CHD9: variants seen among roughly 807,000 people sequenced by gnomAD.
CHD9 encodes the protein ATP-dependent chromatin remodeler CHD9.
In CHD9, 77 loss-of-function variants were observed where a neutral mutation model predicts 316.1. The ratio of observed to expected loss-of-function variants is 0.24; its 90% CI spans 0.20 to 0.29. CHD9 has a LOEUF of 0.29. Among genes scored for constraint, CHD9 ranks in the 10% least tolerant of loss-of-function variants. The pLI is 1.00. For missense variants in CHD9, 2,763 were observed against 3,438.1 expected (o/e 0.80, Z 4.91); for synonymous variants, 1,129 against 1,158.3 (o/e 0.97, Z 0.51).
At position 53,228,363 on chromosome 16, in the gene CHD9, TTCCTGA is replaced by T. The variant is rs552373291; in HGVS notation, c.2169-617_2169-612del. Reference sequence around the variant, plus strand: ...CTCTTTAAAAAAAAAAGTTTTTTTTTTCCTGATCTTTAGGTTTTTATGTCAGACGCA... The same window carrying T: ...CTCTTTAAAAAAAAAAGTTTTTTTTTTCTTTAGGTTTTTATGTCAGACGCA... On this transcript the variant is annotated intron_variant, in intron 7 of 38. Transcript: ENST00000447540. Among the ~76,000 whole-genome samples, 315 of 152,092 alleles carry T rather than the reference TTCCTGA, an allele frequency of 2.1e-3. 1 individual carries two copies. Among genetic ancestry groups the T allele is most frequent in the African/African-American group, 7.2e-3 (298 of 41,536 alleles).
intron 34 of CHD9, among the ~76,000 whole-genome samples, chr16:53,310,420 T>TA (rs1471288244): frequency 1.3e-5 from 2 of 152,324 alleles, no homozygotes; most frequent in East Asian, 3.9e-4. Context: ...CCACTACTCT[T>TA]ACTGTTTAAA....
chr16:53,090,711 T>G (rs2035858887), intron 1 of CHD9, among the ~76,000 whole-genome samples: 1 of 152,144 alleles, frequency 6.6e-6, no homozygotes, highest in Non-Finnish European at 1.5e-5. Context: ...TAAAAATTCA[T>G]GAGAATGTGG....
chr16:53,303,692 A>T, intron 30 of CHD9, 28 bp from the exon 31 acceptor site: 2 of 1,486,008 alleles, frequency 1.3e-6, no homozygotes, highest in Non-Finnish European at 1.8e-6. Flanking sequence ...TTTGAGATTA[A>T]TATTTTTGTC....
In CHD9 at chr16:53,148,110, G is replaced by A. The variant is rs533800887; in HGVS notation, c.-164-7816G>A. 1.1e-4 allele frequency among the ~76,000 whole-genome samples: 16 copies of A among 152,228 alleles called. No individual in the cohort carries two copies. In the East Asian group the frequency reaches 3.1e-3, roughly 29 times the overall value. ...TAAGCCCAGCTACTCGGGAGGCTGA[G>A]GTAGGAGAATCGTTTGAATCCAGGA... On this transcript the variant is annotated intron_variant, in intron 1 of 38. Coordinates refer to ENST00000447540, the MANE Select transcript of CHD9 (RefSeq NM_001308319.2).
At chr16:53,227,360 T>G in intron 5 of CHD9, 36 bp from the exon 6 acceptor site, 2 of 1,375,288 alleles carry the variant, frequency 1.5e-6, no homozygotes, top group Non-Finnish European at 1.0e-6. Flanking sequence ...TCTTTCAGAA[T>G]GTGTTCTGTC....
chr16:53,204,023 CAAA>C (rs530552464), intron 2 of CHD9, among the ~76,000 whole-genome samples: 9,756 of 47,000 alleles, frequency 0.21, 780 homozygotes, highest in Middle Eastern at 0.31. Flanking sequence ...GACTCCATCT[CAAA>C]AAAAAAAAAA....
intron 1 of CHD9, chr16:53,122,000 C>G (rs531781523): frequency 1.3e-5 from 2 of 152,128 alleles, no homozygotes; most frequent in Non-Finnish European, 2.9e-5. Flanking sequence ...ATGTTAGAGT[C>G]TATAATGTAA....
intron 1 of CHD9, among the ~76,000 whole-genome samples, chr16:53,107,485 A>G (rs533589262): frequency 5.5e-4 from 77 of 141,124 alleles, no homozygotes; most frequent in African/African-American, 2.0e-3. Flanking sequence ...AAAATAAAAT[A>G]AAATAAATAA....
chr16:53,078,620 A>G (rs1369579741), intron 1 of CHD9, among the ~76,000 whole-genome samples: 1 of 152,180 alleles, frequency 6.6e-6, no homozygotes, highest in Non-Finnish European at 1.5e-5. Context: ...GCCTGTGCCC[A>G]TAATAATCTT....
chr16:53,082,709 G>T (rs1013350029), intron 1 of CHD9, among the ~76,000 whole-genome samples: 12 of 152,202 alleles, frequency 7.9e-5, no homozygotes, highest in African/African-American at 2.9e-4. Flanking sequence ...TCTTCATCAG[G>T]TGCAGGAGGA....
intron 30 of CHD9, among the ~76,000 whole-genome samples, chr16:53,297,678 C>G (rs2054926755): frequency 6.6e-6 from 1 of 152,202 alleles, no homozygotes; most frequent in South Asian, 2.1e-4. Flanking sequence ...CTTCAAAGCC[C>G]AGAGACATAG....
At chr16:53,132,113 G>T (rs936270793) in intron 1 of CHD9, among the ~76,000 whole-genome samples, 5 of 150,490 alleles carry the variant, frequency 3.3e-5, no homozygotes, top group Non-Finnish European at 5.9e-5. Context: ...TTTGGGGGGG[G>T]TGGTTTGCTT....
chr16:53,260,277 A>G (rs1025030544), intron 19 of CHD9, among the ~76,000 whole-genome samples: 1 of 152,190 alleles, frequency 6.6e-6, no homozygotes, highest in Non-Finnish European at 1.5e-5. Flanking sequence ...CTGGAAGTTC[A>G]AGACCAGCCT....
chr16:53,217,618 C>T (rs8050978), intron 3 of CHD9, among the ~76,000 whole-genome samples: 47,838 of 151,988 alleles, frequency 0.31, 7,713 homozygotes, highest in Middle Eastern at 0.39. Flanking sequence ...GCTGATCTGA[C>T]ACCAACCTAA....
intron 1 of CHD9, among the ~76,000 whole-genome samples, chr16:53,126,253 C>G (rs965083683): frequency 2.6e-5 from 4 of 152,130 alleles, no homozygotes; most frequent in African/African-American, 9.7e-5. Flanking sequence ...CAACTTCATT[C>G]TTTAGTATGT....
intron 4 of CHD9, among the ~76,000 whole-genome samples, chr16:53,223,190 A>G (rs1567509998): frequency 6.6e-6 from 1 of 152,174 alleles, no homozygotes; most frequent in Non-Finnish European, 1.5e-5. Flanking sequence ...TTGTGAAGAA[A>G]AGATAACTGA....
At chr16:53,067,664 G>A (rs1039252065) in intron 1 of CHD9, among the ~76,000 whole-genome samples, 7 of 152,042 alleles carry the variant, frequency 4.6e-5, no homozygotes, top group Non-Finnish European at 7.3e-5. Context: ...GTTTTGACGC[G>A]GAAGACCACA....
At chr16:53,079,397 C>A (rs765948417) in intron 1 of CHD9, among the ~76,000 whole-genome samples, 2 of 152,180 alleles carry the variant, frequency 1.3e-5, no homozygotes, top group Non-Finnish European at 2.9e-5. Flanking sequence ...AGATGACGTT[C>A]TAATCTGACA....
Position 53,304,432 on chromosome 16 carries a change from T to G in CHD9, c.6426T>G (p.Ser2142=), listed in dbSNP as rs1416781451. 1.3e-6 allele frequency: 2 copies of G among 1,596,354 alleles called. No individual in the cohort carries two copies. The highest frequency in any genetic ancestry group is 4.5e-5 in the East Asian group (2 of 44,154). ...CTGACTCAGATTCTGAGAGATCATC[T>G]TGTTCTTCCAGATCATCTTCTTCCT... is the stretch of plus-strand genomic sequence containing the variant. ...SDSDSDSERS[S]CSSRSSSSSS... is the part of the protein sequence containing the mutation. Residue 2142 remains serine, a synonymous_variant, in exon 31 of 39, where the codon TCT becomes TCG. Transcript: ENST00000447540.
Sources: gnomAD v4.1 joint callset for allele counts (sites outside exome capture counted in the v4.1 genomes callset) on GRCh38, gnomAD v4.1.1 for gene constraint, MANE v1.5 for transcripts, NCBI Gene and HGNC (gene_info 2026-07-23, HGNC 2026-07-21) for gene names.